Variants in LIMCH1 observed in about 807,000 individuals in gnomAD.
LIMCH1 encodes LIM and calponin homology domains-containing protein 1.
LIMCH1 carries 113 observed loss-of-function variants against 176.5 expected under a neutral mutation model. The observed-to-expected ratio is 0.64, with a 90% confidence interval of 0.55 to 0.75. LIMCH1 has a LOEUF of 0.75. Ranked by LOEUF, LIMCH1 falls within the 30% of genes least tolerant of loss-of-function variation. The pLI, the probability that LIMCH1 is intolerant of heterozygous loss-of-function variation, is 0.00. For missense variants in LIMCH1, 1,674 were observed against 1,814.9 expected (o/e 0.92, Z 1.41); for synonymous variants, 619 against 645.9 (o/e 0.96, Z 0.63).
chr4:41,666,693 T>C (rs1355225439), intron 21 of LIMCH1, 27 bp downstream of exon 21: 9 of 1,424,974 alleles, frequency 6.3e-6, no homozygotes, highest in Non-Finnish European at 8.9e-6. Context: ...TTATTTTAGG[T>C]CTGCATGTTC....
At chr4:41,621,191 TC>T (rs1454185700) in intron 7 of LIMCH1, among the ~76,000 whole-genome samples, 1 of 152,198 alleles carries the variant, frequency 6.6e-6, no homozygotes, top group African/African-American at 2.4e-5. Flanking sequence ...TTTATTTGAC[TC>T]CTTAGTTTCT....
At chr4:41,623,255 TTCTG>T (rs1294810793) in intron 7 of LIMCH1, among the ~76,000 whole-genome samples, 1 of 152,218 alleles carries the variant, frequency 6.6e-6, no homozygotes, top group African/African-American at 2.4e-5. Context: ...AACCTCAGTG[TTCTG>T]TCTTTGACAT....
At position 41,697,171 on chromosome 4, in the gene LIMCH1, C is replaced by G; in HGVS notation, c.4390C>G (p.Pro1464Ala). The G allele has an allele frequency of 6.2e-7, 1 of 1,613,534 alleles. No individual in the cohort carries two copies. Among genetic ancestry groups the G allele is most frequent in the East Asian group, 2.2e-5 (1 of 44,872 alleles). ...CYMRSRSAGQ[P>A]TTL is the part of the protein sequence containing the mutation. ...TGTTTTAATCACAGGTGCCGGGCAG[C>G]CTACAACATTGTGACACGGCTTTCA... is the stretch of plus-strand genomic sequence containing the variant. Residue 1464 changes from proline (P) to alanine (A), a missense_variant, in exon 32 of 32, where the codon CCT becomes GCT. Physicochemically the swap from Pro to Ala is conservative, Grantham distance 27. Transcript: ENST00000503057.
At chr4:41,612,971 T>C in intron 4 of LIMCH1, 1 of 1,546,970 alleles carries the variant, frequency 6.5e-7, no homozygotes, top group Non-Finnish European at 8.7e-7. Context: ...CAGAACTGAT[T>C]CTGCAGCAAA....
At chr4:41,407,016 G>T (rs1321997610) in intron 1 of LIMCH1, among the ~76,000 whole-genome samples, 2 of 152,070 alleles carry the variant, frequency 1.3e-5, no homozygotes, top group Non-Finnish European at 2.9e-5. Context: ...ATCATTGTTG[G>T]GTCTTCCAAG....
intron 1 of LIMCH1, among the ~76,000 whole-genome samples, chr4:41,367,111 C>T (rs192673583): frequency 1.7e-3 from 259 of 152,266 alleles, no homozygotes; most frequent in African/African-American, 5.3e-3. Flanking sequence ...TAACCGCCCC[C>T]GTGATCCAGT....
chr4:41,482,100 C>T (rs1395970065), intron 1 of LIMCH1, among the ~76,000 whole-genome samples: 1 of 152,060 alleles, frequency 6.6e-6, no homozygotes, highest in East Asian at 1.9e-4. Flanking sequence ...ATCTGCCTGC[C>T]TATGCGATCT....
At chr4:41,513,956 A>G (rs937303636) in intron 2 of LIMCH1, among the ~76,000 whole-genome samples, 2 of 127,890 alleles carry the variant, frequency 1.6e-5, no homozygotes, top group Non-Finnish European at 3.2e-5. Flanking sequence ...CGGTGAGCGG[A>G]GATCGTGCCA....
intron 1 of LIMCH1, among the ~76,000 whole-genome samples, chr4:41,482,305 C>T (rs2068787148): frequency 6.6e-6 from 1 of 152,030 alleles, no homozygotes; most frequent in Non-Finnish European, 1.5e-5. Context: ...GGATTGGATG[C>T]GACTACCCGG....
At chr4:41,473,274 A>C in intron 1 of LIMCH1, 1 of 775,356 alleles carries the variant, frequency 1.3e-6, no homozygotes, top group Non-Finnish European at 1.6e-6. Flanking sequence ...ATTTTGTGCA[A>C]TGGTACATCC....
chr4:41,605,014 A>G (rs531600840), intron 3 of LIMCH1, among the ~76,000 whole-genome samples: 16 of 152,272 alleles, frequency 1.1e-4, no homozygotes, highest in Middle Eastern at 3.4e-3. Flanking sequence ...GTGTGAAAAG[A>G]AAATACTCAT....
chr4:41,646,934 C>T, intron 17 of LIMCH1, 41 bp downstream of exon 17: 1 of 1,531,096 alleles, frequency 6.5e-7, no homozygotes. Context: ...AGCTGAACTC[C>T]AGGGAGTGGA....
intron 14 of LIMCH1, among the ~76,000 whole-genome samples, chr4:41,641,372 C>T (rs2093815851): frequency 6.6e-6 from 1 of 151,970 alleles, no homozygotes; most frequent in African/African-American, 2.4e-5. Flanking sequence ...ATTATCAATT[C>T]TCAACTTCTT....
intron 1 of LIMCH1, among the ~76,000 whole-genome samples, chr4:41,390,687 T>C (rs1035262635): frequency 6.6e-6 from 1 of 152,226 alleles, no homozygotes; most frequent in Non-Finnish European, 1.5e-5. Context: ...GTTTTCCTTT[T>C]GGCTTTTCCA....
chr4:41,434,173 C>T (rs1305456831), intron 1 of LIMCH1, among the ~76,000 whole-genome samples: 1 of 152,148 alleles, frequency 6.6e-6, no homozygotes, highest in African/African-American at 2.4e-5. Flanking sequence ...CAAGGGAGGT[C>T]TCAGAAGGCA....
intron 2 of LIMCH1, among the ~76,000 whole-genome samples, chr4:41,599,633 T>C (rs536925343): frequency 6.6e-6 from 1 of 152,346 alleles, no homozygotes; most frequent in African/African-American, 2.4e-5. Context: ...GACCAGGGTA[T>C]GAGATGGCAG....
intron 1 of LIMCH1, among the ~76,000 whole-genome samples, chr4:41,487,074 T>C (rs2069728678): frequency 6.6e-6 from 1 of 152,052 alleles, no homozygotes; most frequent in Non-Finnish European, 1.5e-5. Context: ...TTGGCCAGGC[T>C]GGTCTTGAAC....
Position 41,698,808 on chromosome 4 carries a change from C to T in LIMCH1, c.*1623C>T, listed in dbSNP as rs928919301. ...CGACCATATTTGTCATTTGGATGAG[C>T]TGTTATTAGATTGAAATCTACACAT... On this transcript the variant is annotated 3_prime_UTR_variant, in exon 32 of 32. Coordinates refer to ENST00000503057, the MANE Select transcript of LIMCH1 (RefSeq NM_001330672.2). The T allele has an allele frequency of 1.3e-5, 2 of 150,604 alleles. No individual in the cohort carries two copies. The highest frequency in any genetic ancestry group is 4.9e-5 in the African/African-American group (2 of 40,706). The allele number at this position is 150,604 out of a possible 1,614,324, so 9.3% of individuals were successfully genotyped here.
intron 19 of LIMCH1, 74 bp downstream of exon 19, chr4:41,661,584 T>C: frequency 9.1e-7 from 1 of 1,103,882 alleles, no homozygotes; most frequent in Admixed American, 2.0e-5. Flanking sequence ...TAGTCAAGAA[T>C]TTTTCCTACT....
Sources: gnomAD v4.1 joint callset for allele counts (sites outside exome capture counted in the v4.1 genomes callset) on GRCh38, gnomAD v4.1.1 for gene constraint, MANE v1.5 for transcripts, NCBI Gene and HGNC (gene_info 2026-07-23, HGNC 2026-07-21) for gene names.